AGMO: variants seen among roughly 807,000 people sequenced by gnomAD.
The protein encoded by AGMO is alkylglycerol monooxygenase, also known as glyceryl-ether monooxygenase.
AGMO carries 75 observed loss-of-function variants against 60.2 expected under a neutral mutation model. The observed-to-expected ratio is 1.25, with a 90% CI of 1.03 to 1.51. The LOEUF is 1.51. AGMO is among the 40% of genes most tolerant of loss of function. AGMO has a pLI of 0.00. For synonymous variants in AGMO, 261 were observed against 177.1 expected, an observed-to-expected ratio of 1.47 and a Z score of -3.76; for missense variants, 763 against 525.5, an observed-to-expected ratio of 1.45 and a Z score of -4.42.
chr7:15,123,449 T>C, the AGMO span, among the ~76,000 whole-genome samples: 1 of 151,762 alleles, frequency 6.6e-6, no homozygotes, highest in East Asian at 1.9e-4. Context: ...CCCTCAATAA[T>C]ATTTGCGAAT....
chr7:15,365,380 T>TTAAAAAAAAAAAAAAAAAAA (rs1311387207), intron 12 of AGMO, 134 bp downstream of exon 12: 2 of 210,468 alleles, frequency 9.5e-6, no homozygotes, highest in African/African-American at 1.2e-4. Flanking sequence ...TACTGGTAAG[T>TTAAAAAAAAAAAAAAAAAAA]AAAAAAAAAA....
chr7:15,293,362 T>C (rs1234365066), intron 12 of AGMO, among the ~76,000 whole-genome samples: 1 of 152,104 alleles, frequency 6.6e-6, no homozygotes, highest in Non-Finnish European at 1.5e-5. Flanking sequence ...TATCTCGTGT[T>C]GCTGATAGAT....
rs373024954 is a variant in AGMO at position 15,372,880 on chromosome 7, C to T, written c.1075-6658G>A. Among the ~76,000 whole-genome samples the T allele has an allele frequency of 5.9e-5, 9 of 152,228 alleles. No homozygotes were observed. In the East Asian group the frequency reaches 1.2e-3, roughly 20 times the overall value. On this transcript the variant is annotated intron_variant, in intron 10 of 12. Coordinates refer to ENST00000342526, the MANE Select transcript of AGMO (RefSeq NM_001004320.2). ...TTCCATTTTAATTTGGACGTATGAT[C>T]GGTTCTTAATCACAGAAAGCATTTG...
In AGMO at chr7:15,501,722, A is replaced by G. The variant is rs372803904; in HGVS notation, c.409+43050T>C. On this transcript the variant is annotated intron_variant, in intron 3 of 12. Coordinates refer to ENST00000342526, the MANE Select transcript of AGMO (RefSeq NM_001004320.2). The stretch of plus-strand genomic sequence containing the variant: ...CCTAGGACATTAATTCTAGTAACAA[A>G]TTGAGTACAATTGAACAAGAAAATG... 2.6e-5 allele frequency among the ~76,000 whole-genome samples: 4 copies of G among 152,090 alleles called. No homozygotes were observed. In the East Asian group the frequency reaches 7.7e-4, roughly 29 times the overall value.
intron 3 of AGMO, among the ~76,000 whole-genome samples, chr7:15,533,172 G>C (rs1464062011): frequency 6.6e-6 from 1 of 151,880 alleles, no homozygotes; most frequent in Non-Finnish European, 1.5e-5. Flanking sequence ...AAAGATACTT[G>C]GTACTTAAGA....
intron 2 of AGMO, among the ~76,000 whole-genome samples, chr7:15,550,173 A>G (rs1016097348): frequency 6.6e-6 from 1 of 151,684 alleles, no homozygotes; most frequent in Non-Finnish European, 1.5e-5. Context: ...AGCAGTGTGT[A>G]GAGGGAAATT....
At chr7:15,181,962 C>G in the AGMO span, among the ~76,000 whole-genome samples, 1 of 152,034 alleles carries the variant, frequency 6.6e-6, no homozygotes. Flanking sequence ...GGAAGCAACC[C>G]AAGTGTCCAT....
At chr7:15,254,896 C>G (rs1455474037) in intron 12 of AGMO, among the ~76,000 whole-genome samples, 3 of 151,972 alleles carry the variant, frequency 2.0e-5, no homozygotes, top group African/African-American at 7.2e-5. Flanking sequence ...TCCTCGACAC[C>G]TACCATAATT....
intron 10 of AGMO, among the ~76,000 whole-genome samples, chr7:15,376,362 A>G (rs1783450389): frequency 6.9e-6 from 1 of 145,580 alleles, no homozygotes; most frequent in African/African-American, 2.7e-5. Context: ...GTAAGAGTCG[A>G]CCAAAATATA....
At chr7:15,366,083 G>A (rs894352913) in intron 11 of AGMO, 57 bp downstream of exon 11, 7 of 1,344,300 alleles carry the variant, frequency 5.2e-6, no homozygotes, top group Admixed American at 3.9e-5. Flanking sequence ...TTACCACTCT[G>A]TGGAAAATTC....
At chr7:15,377,157 C>T (rs993035284) in intron 10 of AGMO, among the ~76,000 whole-genome samples, 1 of 151,960 alleles carries the variant, frequency 6.6e-6, no homozygotes, top group Non-Finnish European at 1.5e-5. Context: ...TTTAGACATC[C>T]CTGAGATTAG....
chr7:15,122,256 C>G, the AGMO span, among the ~76,000 whole-genome samples: 2 of 152,084 alleles, frequency 1.3e-5, no homozygotes, highest in Non-Finnish European at 2.9e-5. Context: ...TATGAACAGA[C>G]ACTTCTCTCT....
At chr7:15,265,755 A>G (rs1013995809) in intron 12 of AGMO, among the ~76,000 whole-genome samples, 3 of 152,256 alleles carry the variant, frequency 2.0e-5, no homozygotes, top group Admixed American at 1.3e-4. Flanking sequence ...AACAATTACT[A>G]TATGATATAG....
chr7:15,235,226 A>G (rs2128500695), intron 12 of AGMO, among the ~76,000 whole-genome samples: 1 of 152,158 alleles, frequency 6.6e-6, no homozygotes, highest in South Asian at 2.1e-4. Context: ...ATATCTAAAC[A>G]TGACTCTCAC....
intron 12 of AGMO, among the ~76,000 whole-genome samples, chr7:15,233,588 C>T (rs543712960): frequency 1.1e-4 from 16 of 150,650 alleles, no homozygotes; most frequent in African/African-American, 2.4e-4. Flanking sequence ...GGAAAAGTTT[C>T]GGAAATAGTG....
chr7:15,403,008 T>C (rs1784593646), intron 5 of AGMO, among the ~76,000 whole-genome samples: 1 of 151,718 alleles, frequency 6.6e-6, no homozygotes, highest in Non-Finnish European at 1.5e-5. Context: ...TTAAACTGTA[T>C]CAGAAAAAAA....
At chr7:15,409,205 T>C (rs947198345) in intron 5 of AGMO, among the ~76,000 whole-genome samples, 2 of 151,928 alleles carry the variant, frequency 1.3e-5, no homozygotes, top group Non-Finnish European at 2.9e-5. Flanking sequence ...GATTTTAAGA[T>C]GGGGGAAGTA....
At chr7:15,263,320 G>A (rs888343832) in intron 12 of AGMO, among the ~76,000 whole-genome samples, 13 of 151,094 alleles carry the variant, frequency 8.6e-5, no homozygotes, top group Non-Finnish European at 1.9e-4. Flanking sequence ...CAAACATATA[G>A]AAAAAAAATG....
intron 1 of AGMO, 106 bp from the exon 2 acceptor site, chr7:15,560,377 C>G (rs1785271602): frequency 8.1e-7 from 1 of 1,237,632 alleles, no homozygotes; most frequent in Non-Finnish European, 1.1e-6. Context: ...TTTGGGAAGC[C>G]CTGCAGGAGA....
Sources: allele counts gnomAD v4.1 joint callset (sites outside exome capture counted in the v4.1 genomes callset), GRCh38; gene constraint gnomAD v4.1.1; transcripts MANE v1.5; gene names NCBI Gene and HGNC (gene_info 2026-07-23, HGNC 2026-07-21).